The following KMO variants were observed in gnomAD, a reference collection of about 807,000 sequenced individuals.
KMO encodes kynurenine 3-monooxygenase, also known as kynurenine 3-hydroxylase.
Under a neutral mutation model 57.8 loss-of-function variants are expected in KMO, and 24 were observed. The observed-to-expected ratio is 0.42, with a 90% confidence interval of 0.30 to 0.58. The LOEUF (loss-of-function observed/expected upper bound fraction) is 0.58. KMO is among the 20% of genes least tolerant of loss of function. KMO has a pLI of 0.22. For synonymous variants in KMO, 210 were observed against 193.6 expected, an observed-to-expected ratio of 1.08 and a Z score of -0.70; for missense variants, 483 against 588.2, an observed-to-expected ratio of 0.82 and a Z score of 1.85.
At chr1:241,585,116 C>T (rs1307257272) in intron 10 of KMO, among the ~76,000 whole-genome samples, 3 of 152,082 alleles carry the variant, frequency 2.0e-5, no homozygotes, top group African/African-American at 7.2e-5. Flanking sequence ...GTAGTCCCAA[C>T]TACTTGGGAG....
At chr1:241,548,009 A>G (rs1180573998) in intron 1 of KMO, among the ~76,000 whole-genome samples, 2 of 152,076 alleles carry the variant, frequency 1.3e-5, no homozygotes, top group Non-Finnish European at 1.5e-5. Context: ...AAAAAAAAAG[A>G]TGACCTTAAG....
At chr1:241,566,963 G>T (rs562726118) in intron 9 of KMO, among the ~76,000 whole-genome samples, 1 of 152,104 alleles carries the variant, frequency 6.6e-6, no homozygotes, top group Non-Finnish European at 1.5e-5. Flanking sequence ...AGATACATCC[G>T]GCAGCCTCAG....
At chr1:241,574,694 T>A (rs1043021360) in intron 10 of KMO, among the ~76,000 whole-genome samples, 1 of 152,064 alleles carries the variant, frequency 6.6e-6, no homozygotes, top group Non-Finnish European at 1.5e-5. Flanking sequence ...GATTTTGCAC[T>A]GATGTTCATC....
At chr1:241,576,422 A>C (rs1662521371) in intron 10 of KMO, among the ~76,000 whole-genome samples, 1 of 152,058 alleles carries the variant, frequency 6.6e-6, no homozygotes, top group South Asian at 2.1e-4. Context: ...CAAGATTTAG[A>C]GCTCCTTTTA....
intron 10 of KMO, among the ~76,000 whole-genome samples, chr1:241,572,404 T>C (rs932176219): frequency 6.6e-6 from 1 of 152,044 alleles, no homozygotes; most frequent in African/African-American, 2.4e-5. Flanking sequence ...ATCCTTTGAG[T>C]TTCTGTGGTA....
intron 10 of KMO, among the ~76,000 whole-genome samples, chr1:241,569,833 G>A (rs892566256): frequency 5.9e-5 from 9 of 151,990 alleles, no homozygotes; most frequent in African/African-American, 2.2e-4. Context: ...TTGTCTTTCA[G>A]ATCAAAGCCA....
At chr1:241,567,866 T>C (rs1356034140) in intron 9 of KMO, among the ~76,000 whole-genome samples, 3 of 152,208 alleles carry the variant, frequency 2.0e-5, no homozygotes, top group Non-Finnish European at 4.4e-5. Flanking sequence ...TTTAAGATTC[T>C]TGAGGCTAGG....
intron 5 of KMO, 191 bp downstream of exon 5, chr1:241,555,851 G>T: frequency 2.3e-6 from 1 of 430,880 alleles, no homozygotes; most frequent in Non-Finnish European, 4.2e-6. Flanking sequence ...ACTCTGAAAG[G>T]CTGAGGCCAG....
chr1:241,554,948 C>T (rs534025040), intron 4 of KMO, among the ~76,000 whole-genome samples: 14 of 151,784 alleles, frequency 9.2e-5, no homozygotes, highest in African/African-American at 3.1e-4. Flanking sequence ...CACCATTGCA[C>T]TCCAACCTGG....
At position 241,580,793 on chromosome 1, in the gene KMO, C is replaced by T. The variant is rs554151936; in HGVS notation, c.958-5886C>T. Among the ~76,000 whole-genome samples, 7 of 152,056 alleles carry T rather than the reference C, an allele frequency of 4.6e-5. No individual in the cohort carries two copies. The East Asian group carries it at 1.4e-3, about 29-fold the overall frequency. Reference sequence around the variant, plus strand: ...ATACAACCTATCTTTGAGGATGTTTCATGTGCTAAGGAAAAGAACATGTAT... The same window carrying T: ...ATACAACCTATCTTTGAGGATGTTTTATGTGCTAAGGAAAAGAACATGTAT... On this transcript the variant is annotated intron_variant, in intron 10 of 14. Coordinates refer to ENST00000366559, the MANE Select transcript of KMO (RefSeq NM_003679.5).
rs1663460334 is a variant in KMO, at chr1:241,595,074, C to A, written c.*2921C>A. The A allele has an allele frequency of 6.2e-6, 1 of 161,776 alleles. No homozygotes were observed. The allele number at this position is 161,776 out of a possible 1,614,324, so 10.0% of individuals were successfully genotyped here. Reference sequence around the variant, plus strand: ...ATAATTAGAGACTTTTTACTATAAGCATCAAAAACAGATAAGGCTCTTCCT... The same window carrying A: ...ATAATTAGAGACTTTTTACTATAAGAATCAAAAACAGATAAGGCTCTTCCT... On this transcript the variant is annotated 3_prime_UTR_variant, in exon 15 of 15. Coordinates refer to ENST00000366559, the MANE Select transcript of KMO (RefSeq NM_003679.5).
At chr1:241,559,002 A>G (rs1211516609) in intron 5 of KMO, among the ~76,000 whole-genome samples, 1 of 151,522 alleles carries the variant, frequency 6.6e-6, no homozygotes, top group African/African-American at 2.4e-5. Flanking sequence ...AATCCCAGTT[A>G]CTCAGGAGAA....
At chr1:241,557,562 T>C (rs1236313961) in intron 5 of KMO, among the ~76,000 whole-genome samples, 1 of 152,210 alleles carries the variant, frequency 6.6e-6, no homozygotes, top group Non-Finnish European at 1.5e-5. Context: ...GGTTTAGTAT[T>C]ATTATTAATT....
intron 14 of KMO, among the ~76,000 whole-genome samples, chr1:241,590,909 C>T (rs1261086735): frequency 2.6e-5 from 4 of 152,012 alleles, no homozygotes; most frequent in Non-Finnish European, 4.4e-5. Context: ...CAGGGGAAGG[C>T]GGAAGACACA....
chr1:241,535,152 T>A, intron 1 of KMO, among the ~76,000 whole-genome samples: 1 of 152,130 alleles, frequency 6.6e-6, no homozygotes, highest in East Asian at 1.9e-4. Flanking sequence ...GTTTGAATAT[T>A]GAGAAAATTA....
rs1296475380 is a variant in KMO at position 241,591,638 on chromosome 1, C to CA, written c.1261-315_1261-314insA. Among the ~76,000 whole-genome samples the CA allele has an allele frequency of 3.9e-5, 6 of 152,296 alleles. No homozygotes were observed. The South Asian group carries it at 1.2e-3, about 32-fold the overall frequency. ...TGTGTGGCCCCAGCACAGCAGTACT[C>CA]TTCTAAGAATTCACAGCTCTTTTTC... On this transcript the variant is annotated intron_variant, in intron 14 of 14. Transcript: ENST00000366559.
At chr1:241,571,023 T>C (rs1340921172) in intron 10 of KMO, among the ~76,000 whole-genome samples, 1 of 152,152 alleles carries the variant, frequency 6.6e-6, no homozygotes, top group Non-Finnish European at 1.5e-5. Flanking sequence ...CCAGATATCT[T>C]ACTTTATTTG....
intron 3 of KMO, 32 bp downstream of exon 3, chr1:241,549,806 T>C (rs1211726580): frequency 7.7e-7 from 1 of 1,293,068 alleles, no homozygotes; most frequent in Non-Finnish European, 1.1e-6. Flanking sequence ...CAGAAGATAA[T>C]ACCTGGTATT....
rs772329974 is a variant in KMO at position 241,568,566 on chromosome 1, A to G, written c.876A>G (p.Ser292=). The G allele has an allele frequency of 1.6e-5, 26 of 1,613,824 alleles. 1 individual carries two copies. The South Asian group carries it at 2.9e-4, about 18-fold the overall frequency. Residue 292 remains serine, a synonymous_variant, in exon 10 of 15, where the codon TCA becomes TCG. Coordinates refer to ENST00000366559, the MANE Select transcript of KMO (RefSeq NM_003679.5). ...AQPMISVKCS[S]FHFKSHCVLL... ...CCATGATATCTGTAAAGTGCTCTTC[A>G]TTTCACTTTAAATCTCACTGTGTAC...
Sources: allele counts gnomAD v4.1 joint callset (sites outside exome capture counted in the v4.1 genomes callset), GRCh38; gene constraint gnomAD v4.1.1; transcripts MANE v1.5; gene names NCBI Gene and HGNC (gene_info 2026-07-23, HGNC 2026-07-21).